Variants in ATL3 observed in about 807,000 individuals in gnomAD.
ATL3 encodes atlastin-3.
A neutral mutation model predicts 69.5 loss-of-function variants in ATL3; 49 were observed. The observed-to-expected ratio is 0.71, with a 90% CI of 0.56 to 0.89. The LOEUF is 0.89. ATL3 is among the 40% of genes least tolerant of loss of function. The pLI is 0.00. For synonymous variants in ATL3, 214 were observed against 224.1 expected (o/e 0.95, Z 0.40); for missense variants, 606 against 645.7 (o/e 0.94, Z 0.67).
intron 5 of ATL3, among the ~76,000 whole-genome samples, chr11:63,651,120 G>T (rs1940062899): frequency 1.3e-5 from 2 of 152,056 alleles, no homozygotes; most frequent in African/African-American, 4.8e-5. Context: ...TCACAAAAGA[G>T]CATTTTGTGG....
Position 63,628,969 on chromosome 11 carries a change from G to GAATC in ATL3, c.*346_*349dup, listed in dbSNP as rs1199132695. 4.5e-6 allele frequency: 1 copy of GAATC among 223,326 alleles called. No individual in the cohort carries two copies. The highest frequency in any genetic ancestry group is 8.9e-6 in the Non-Finnish European group (1 of 112,822). The allele number at this position is 223,326 out of a possible 1,614,324, so 13.8% of individuals were successfully genotyped here. ...TCCCCATCGTGTGTGCAAAACCATGGAATCAATCTTAAAAGGCACTAAGTG... is the reference window on the plus strand; with the variant it reads ...TCCCCATCGTGTGTGCAAAACCATGGAATCAATCAATCTTAAAAGGCACTAAGTG... On this transcript the variant is annotated 3_prime_UTR_variant, in exon 13 of 13. Transcript: ENST00000398868.
intron 5 of ATL3, 106 bp from the exon 6 acceptor site, chr11:63,646,669 C>G (rs754185995): frequency 2.0e-5 from 13 of 657,600 alleles, no homozygotes; most frequent in African/African-American, 9.5e-5. Flanking sequence ...CAGACTTCTA[C>G]AGTTTCAAAA....
intron 8 of ATL3, chr11:63,637,793 G>T (rs1939568803): frequency 6.6e-6 from 1 of 151,988 alleles, no homozygotes; most frequent in Non-Finnish European, 1.5e-5. Flanking sequence ...ACTATAATAT[G>T]AAAAATGAAA....
rs779570898 is a variant in ATL3, at chr11:63,652,545, C to T, written c.436G>A (p.Ala146Thr). 2 of 1,610,576 alleles carry T rather than the reference C, an allele frequency of 1.2e-6. No individual in the cohort carries two copies. Among genetic ancestry groups the T allele is most frequent in the Non-Finnish European group, 1.7e-6 (2 of 1,177,732 alleles). The change falls in exon 4 of 13, where the codon GCA becomes ACA. Residue 146 changes from alanine to threonine, a missense_variant. Coordinates refer to ENST00000398868, the MANE Select transcript of ATL3 (RefSeq NM_015459.5). ...VAVVLMDTQGAFDSQSTVKDC... is the reference protein window; with the variant it reads ...VAVVLMDTQGTFDSQSTVKDC... ...TTCACAGTTGACTGGCTGTCAAATG[C>T]CCCCTGGGTATCCATCAGAACAACT...
chr11:63,660,336 C>G (rs1011557737), intron 1 of ATL3, among the ~76,000 whole-genome samples: 3 of 152,158 alleles, frequency 2.0e-5, no homozygotes, highest in African/African-American at 7.2e-5. Flanking sequence ...CATATCATTA[C>G]TTAACAGGGA....
chr11:63,657,857 CTT>C (rs1174775895), intron 3 of ATL3, among the ~76,000 whole-genome samples: 14 of 136,458 alleles, frequency 1.0e-4, no homozygotes, highest in East Asian at 2.1e-4. Flanking sequence ...ATGCCATTGG[CTT>C]TTTTTTTTTT....
intron 11 of ATL3, among the ~76,000 whole-genome samples, chr11:63,631,880 G>A (rs1391964043): frequency 6.6e-6 from 1 of 152,198 alleles, no homozygotes; most frequent in Non-Finnish European, 1.5e-5. Flanking sequence ...TACTCAGAAG[G>A]CTGAGGCAGG....
Position 63,658,851 on chromosome 11 carries a change from TC to T in ATL3, c.314del (p.Gly105AspfsTer36). On this transcript the variant is annotated frameshift_variant, in exon 3 of 13. Transcript: ENST00000398868. LOFTEE classifies it high-confidence loss of function. ...WLGDPEEPLT[G>X]FSWRGGSDPE... The stretch of plus-strand genomic sequence containing the variant: ...GATCAGATCCCCCTCTCCAGGAAAA[TC>T]CTGTTAACGGTTCTTCTGGGTCACC... 1 of 1,612,366 alleles carries T rather than the reference TC, an allele frequency of 6.2e-7. No homozygotes were observed. Among genetic ancestry groups the T allele is most frequent in the African/African-American group, 1.3e-5 (1 of 75,004 alleles).
intron 1 of ATL3, 42 bp downstream of exon 1, chr11:63,671,247 CG>C: frequency 3.2e-6 from 5 of 1,546,664 alleles, no homozygotes; most frequent in Admixed American, 2.0e-5. Context: ...GGGAAGGCGG[CG>C]GGGGTGGCCG....
intron 10 of ATL3, among the ~76,000 whole-genome samples, chr11:63,634,376 A>G (rs1008924230): frequency 2.0e-5 from 3 of 149,832 alleles, no homozygotes; most frequent in African/African-American, 7.4e-5. Context: ...GCGTGGTGGC[A>G]GGCGCCTGCA....
In ATL3 at chr11:63,631,042, G is replaced by C; in HGVS notation, c.1537C>G (p.Gln513Glu). The C allele has an allele frequency of 6.2e-7, 1 of 1,607,692 alleles. No homozygotes were observed. Among genetic ancestry groups the C allele is most frequent in the Non-Finnish European group, 8.5e-7 (1 of 1,176,464 alleles). Residue 513 changes from glutamine (Q) to glutamate (E), a missense_variant and splice_region_variant, in exon 12 of 13, where the codon CAG (glutamine) becomes GAG (glutamate). By Grantham distance (29) the Gln-to-Glu change is conservative (BLOSUM62 2). Coordinates refer to ENST00000398868, the MANE Select transcript of ATL3 (RefSeq NM_015459.5). The part of the protein sequence containing the change: ...IDFGAAYVLE[Q>E]ASSHIGNSTQ... Reference sequence around the variant, plus strand: ...GGCTCTTCAGCAGCACCACTTACCTGCTCCAACACATATGCGGCACCAAAA... The same window carrying C: ...GGCTCTTCAGCAGCACCACTTACCTCCTCCAACACATATGCGGCACCAAAA...
chr11:63,644,066 C>A, intron 7 of ATL3, 103 bp downstream of exon 7: 1 of 736,090 alleles, frequency 1.4e-6, no homozygotes, highest in South Asian at 1.7e-5. Context: ...TTAATGTATT[C>A]AATATCATTT....
intron 8 of ATL3, among the ~76,000 whole-genome samples, chr11:63,642,955 C>T (rs1939747174): frequency 6.6e-6 from 1 of 152,224 alleles, no homozygotes; most frequent in African/African-American, 2.4e-5. Flanking sequence ...GCACATGACC[C>T]AGCGTCAGGT....
intron 8 of ATL3, 51 bp from the exon 9 acceptor site, chr11:63,636,385 A>C: frequency 6.2e-7 from 1 of 1,608,564 alleles, no homozygotes; most frequent in Non-Finnish European, 8.5e-7. Flanking sequence ...AGCCTTATTC[A>C]ACCAAGGTGA....
At chr11:63,671,570 G>T (rs1940786071), upstream of ATL3, 12 of 1,425,252 alleles carry the variant, frequency 8.4e-6, no homozygotes, top group Non-Finnish European at 1.0e-5. Context: ...AGGCGGGGCG[G>T]GAAAGCGCAC....
chr11:63,630,396 C>A (rs1210378037), intron 12 of ATL3, among the ~76,000 whole-genome samples: 2 of 140,330 alleles, frequency 1.4e-5, no homozygotes, highest in African/African-American at 5.3e-5. Flanking sequence ...CACTTCACTC[C>A]AGCCTGGGCA....
At chr11:63,661,979 A>G (rs1940435604) in intron 1 of ATL3, among the ~76,000 whole-genome samples, 1 of 152,072 alleles carries the variant, frequency 6.6e-6, no homozygotes. Context: ...TTGGGGGCCA[A>G]GGCAGGCGTG....
chr11:63,629,287 T>C lies in ATL3; in HGVS notation c.*32A>G. 1 of 1,572,284 alleles carries C rather than the reference T, an allele frequency of 6.4e-7. No individual in the cohort carries two copies. Among genetic ancestry groups the C allele is most frequent in the South Asian group, 1.1e-5 (1 of 90,168 alleles). On this transcript the variant is annotated 3_prime_UTR_variant, in exon 13 of 13. Coordinates refer to ENST00000398868, the MANE Select transcript of ATL3 (RefSeq NM_015459.5). Reference sequence around the variant, plus strand: ...AAACCCAGAAATCAGTAGGGGCTTGTTGTGTTCTTGTTTGATCTTCACGTT... The same window carrying C: ...AAACCCAGAAATCAGTAGGGGCTTGCTGTGTTCTTGTTTGATCTTCACGTT...
At chr11:63,639,004 C>CTAA (rs1939608444) in intron 8 of ATL3, among the ~76,000 whole-genome samples, 1 of 152,184 alleles carries the variant, frequency 6.6e-6, no homozygotes, top group South Asian at 2.1e-4. Context: ...CAACCTCAGG[C>CTAA]TAATGTCTTT....
Sources: gnomAD v4.1 joint callset for allele counts (sites outside exome capture counted in the v4.1 genomes callset) on GRCh38, gnomAD v4.1.1 for gene constraint, MANE v1.5 for transcripts, NCBI Gene and HGNC (gene_info 2026-07-23, HGNC 2026-07-21) for gene names.